INPP5B: variants seen among roughly 807,000 people sequenced by gnomAD.
INPP5B encodes the protein type II inositol 1,4,5-trisphosphate 5-phosphatase.
A neutral mutation model predicts 118.5 loss-of-function variants in INPP5B; 90 were observed. The observed-to-expected ratio is 0.76, with a 90% confidence interval of 0.64 to 0.90. The LOEUF is 0.90. Among genes scored for constraint, INPP5B ranks in the 40% least tolerant of loss-of-function variants. The pLI is 0.00. For synonymous variants in INPP5B, 385 were observed against 418.9 expected, an observed-to-expected ratio of 0.92 and a Z score of 0.99; for missense variants, 984 against 1,125.6, an observed-to-expected ratio of 0.87 and a Z score of 1.80.
chr1:37,913,799 C>A (rs1480221218), intron 7 of INPP5B, among the ~76,000 whole-genome samples: 4 of 152,168 alleles, frequency 2.6e-5, no homozygotes, highest in African/African-American at 9.7e-5. Flanking sequence ...TGTCAGGTCT[C>A]TAAGCCCAAG....
At chr1:37,925,209 A>G (rs1371190469) in intron 7 of INPP5B, among the ~76,000 whole-genome samples, 1 of 151,908 alleles carries the variant, frequency 6.6e-6, no homozygotes, top group Admixed American at 6.6e-5. Flanking sequence ...AAAATAAATA[A>G]AAACAAAAAG....
At chr1:37,939,874 T>C (rs1183861655) in intron 6 of INPP5B, among the ~76,000 whole-genome samples, 2 of 152,112 alleles carry the variant, frequency 1.3e-5, no homozygotes, top group East Asian at 3.9e-4. Flanking sequence ...TCCCAAGTAG[T>C]TGGGATTACG....
chr1:37,946,316 C>G lies in INPP5B; in HGVS notation c.-8G>C. 6.2e-7 allele frequency: 1 copy of G among 1,610,416 alleles called. No individual in the cohort carries two copies. The highest frequency in any genetic ancestry group is 1.7e-5 in the Admixed American group (1 of 59,562). On this transcript the variant is annotated 5_prime_UTR_variant, in exon 2 of 24. Transcript: ENST00000373024. ...TGCCACAGACTGGTCCATGCTGGCC[C>G]CTGCTGAGCGCACACACCCTGTGGG...
At chr1:37,894,433 G>C (rs1343669382) in intron 7 of INPP5B, among the ~76,000 whole-genome samples, 1 of 152,020 alleles carries the variant, frequency 6.6e-6, no homozygotes, top group African/African-American at 2.4e-5. Context: ...GACTTTGTCT[G>C]ATTTATGCAT....
intron 6 of INPP5B, among the ~76,000 whole-genome samples, chr1:37,934,438 T>C (rs1645609869): frequency 6.6e-6 from 1 of 152,248 alleles, no homozygotes; most frequent in African/African-American, 2.4e-5. Context: ...CTGTGATCTC[T>C]TGTTAGCTGA....
At position 37,891,420 on chromosome 1, in the gene INPP5B, C is replaced by T; in HGVS notation, c.567G>A (p.Gly189=). 1.2e-6 allele frequency: 2 copies of T among 1,613,952 alleles called. No individual in the cohort carries two copies. Among genetic ancestry groups the T allele is most frequent in the Non-Finnish European group, 1.7e-6 (2 of 1,179,902 alleles). The change falls in exon 8 of 24, where the codon GGG becomes GGA. Residue 189 remains glycine (G), a synonymous_variant. Coordinates refer to ENST00000373024, the MANE Select transcript of INPP5B (RefSeq NM_005540.3). The part of the protein sequence containing the change: ...GSNFDGLRPN[G]KGVPMDQSSR... Reference sequence around the variant, plus strand: ...AGCTTTGGTCCATAGGCACTCCCTTCCCATTTGGTCTCAAACCATCAAAGT... The same window carrying T: ...AGCTTTGGTCCATAGGCACTCCCTTTCCATTTGGTCTCAAACCATCAAAGT...
chr1:37,861,996 A>G lies in INPP5B; in HGVS notation c.*319T>C, dbSNP rs927825244. 1 of 203,594 alleles carries G rather than the reference A, an allele frequency of 4.9e-6. No individual in the cohort carries two copies. Among genetic ancestry groups the G allele is most frequent in the African/African-American group, 2.4e-5 (1 of 42,552 alleles). 12.6% of individuals were successfully genotyped at this position (203,594 alleles called of 1,614,324 possible). On this transcript the variant is annotated 3_prime_UTR_variant, in exon 24 of 24. Transcript: ENST00000373024. ...GGTTGCAGTGAGCCGAGATCGTGCC[A>G]CCGCACTCCACCCTGCGCGACAGAG...
intron 6 of INPP5B, among the ~76,000 whole-genome samples, chr1:37,937,505 G>T (rs760776029): frequency 6.6e-6 from 1 of 151,400 alleles, no homozygotes; most frequent in African/African-American, 2.4e-5. Flanking sequence ...AGTCGCTCAC[G>T]CCTGTAATCC....
chr1:37,917,311 TA>T lies in INPP5B; in HGVS notation c.532+14601del, dbSNP rs1644905512. Among the ~76,000 whole-genome samples the T allele has an allele frequency of 3.9e-4, 3 of 7,694 alleles. 1 individual carries two copies. Among genetic ancestry groups the T allele is most frequent in the Admixed American group, 3.2e-3 (2 of 624 alleles). 5.0% of individuals were successfully genotyped at this position (7,694 alleles called of 152,430 possible). A position where few individuals can be genotyped will look rare whatever the true frequency, so the allele number is the denominator to read the frequency against. ...CTCGGGGGAAAAAAAAAAATAATTA[TA>T]TATATATATATATATATATATATAT... On this transcript the variant is annotated intron_variant, in intron 7 of 23. Coordinates refer to ENST00000373024, the MANE Select transcript of INPP5B (RefSeq NM_005540.3).
At chr1:37,922,000 C>A (rs578056362) in intron 7 of INPP5B, among the ~76,000 whole-genome samples, 1 of 151,822 alleles carries the variant, frequency 6.6e-6, no homozygotes, top group Non-Finnish European at 1.5e-5. Flanking sequence ...CCACTGCACT[C>A]CAGCCTGGGC....
intron 6 of INPP5B, among the ~76,000 whole-genome samples, chr1:37,938,595 G>A (rs61776698): frequency 0.09 from 13,735 of 152,212 alleles, 790 homozygotes; most frequent in Middle Eastern, 0.24. Flanking sequence ...GCACAGCTAG[G>A]TACTGGCAGA....
intron 15 of INPP5B, among the ~76,000 whole-genome samples, chr1:37,879,824 A>G (rs1557637644): frequency 6.6e-6 from 1 of 152,200 alleles, no homozygotes; most frequent in Non-Finnish European, 1.5e-5. Context: ...AGTTAGTTGG[A>G]ATCATCTCAT....
intron 16 of INPP5B, among the ~76,000 whole-genome samples, chr1:37,876,703 C>CAAAAAAAAAA (rs754849945): frequency 1.2e-5 from 1 of 80,802 alleles, no homozygotes; most frequent in Non-Finnish European, 2.2e-5. Flanking sequence ...ACTAAAAATA[C>CAAAAAAAAAA]AAAAAAAAAA....
At chr1:37,878,761 T>C (rs189689037) in intron 15 of INPP5B, among the ~76,000 whole-genome samples, 3 of 151,968 alleles carry the variant, frequency 2.0e-5, no homozygotes, top group African/African-American at 7.2e-5. Flanking sequence ...GCAATTCTCC[T>C]ACCTCAGCCT....
At chr1:37,939,410 G>A (rs1397217158) in intron 6 of INPP5B, among the ~76,000 whole-genome samples, 3 of 150,686 alleles carry the variant, frequency 2.0e-5, no homozygotes, top group Admixed American at 6.7e-5. Flanking sequence ...GGCATTCAAA[G>A]CTCTATAATC....
At position 37,865,756 on chromosome 1, in the gene INPP5B, C is replaced by G. The variant is rs765946094; in HGVS notation, c.2514+5G>C. On this transcript the variant is annotated splice_donor_5th_base_variant and intron_variant, in intron 22 of 23. Coordinates refer to ENST00000373024, the MANE Select transcript of INPP5B (RefSeq NM_005540.3). ...AACCACATGCTGCTCAATGCTTCCT[C>G]TCACCTGTTTGCTTGCTGTGTAGTT... 1.3e-5 allele frequency: 21 copies of G among 1,612,474 alleles called. No individual in the cohort carries two copies. Among genetic ancestry groups the G allele is most frequent in the Non-Finnish European group, 1.5e-5 (18 of 1,179,130 alleles).
Position 37,886,892 on chromosome 1 carries a change from C to G in INPP5B, c.1127G>C (p.Arg376Thr), listed in dbSNP as rs1156436435. The change falls in exon 12 of 24, where the codon AGG becomes ACG. Residue 376 changes from arginine (R) to threonine (T), a missense_variant. Arg to Thr is a moderately conservative substitution (Grantham distance 71). Transcript: ENST00000373024. The part of the protein sequence containing the change: ...AETVGTGIMG[R>T]MGNKGGVAIR... ...ACAAACCAACCAAGGACTCACCATC[C>G]TCCCCATGATTCCTGTCCCCACAGT... The G allele has an allele frequency of 6.2e-7, 1 of 1,613,400 alleles. No individual in the cohort carries two copies. The highest frequency in any genetic ancestry group is 2.2e-5 in the East Asian group (1 of 44,870).
intron 10 of INPP5B, 116 bp downstream of exon 10, chr1:37,888,127 G>A (rs1188439014): frequency 5.4e-6 from 3 of 559,394 alleles, no homozygotes; most frequent in African/African-American, 1.9e-5. Context: ...CAGGGAAACA[G>A]CTGTTATCAG....
At chr1:37,887,862 TA>T (rs59009767) in intron 10 of INPP5B, among the ~76,000 whole-genome samples, 88,644 of 148,512 alleles carry the variant, frequency 0.6, 27,847 homozygotes, top group Non-Finnish European at 0.71. Context: ...ATGAGAAGAT[TA>T]AAAAAAAAAA....
Sources: allele counts gnomAD v4.1 joint callset (sites outside exome capture counted in the v4.1 genomes callset), GRCh38; gene constraint gnomAD v4.1.1; transcripts MANE v1.5; gene names NCBI Gene and HGNC (gene_info 2026-07-23, HGNC 2026-07-21).